The following FLYWCH1 variants were observed in gnomAD, a reference collection of about 807,000 sequenced individuals.
FLYWCH1 encodes the protein FLYWCH-type zinc finger 1.
Under a neutral mutation model 66.4 loss-of-function variants are expected in FLYWCH1, and 75 were observed. The observed-to-expected ratio is 1.13, with a 90% CI of 0.94 to 1.37. The LOEUF (loss-of-function observed/expected upper bound fraction) is 1.37. Among genes scored for constraint, FLYWCH1 ranks in the 40% most tolerant of loss-of-function variants. The pLI, the probability that FLYWCH1 is intolerant of heterozygous loss-of-function variation, is 0.00. For synonymous variants in FLYWCH1, 595 were observed against 429.9 expected (o/e 1.38, Z -4.75); for missense variants, 1,334 against 1,001.8 (o/e 1.33, Z -4.48).
At chr16:2,931,812 AC>A (rs1316494593) in intron 4 of FLYWCH1, among the ~76,000 whole-genome samples, 2 of 152,034 alleles carry the variant, frequency 1.3e-5, no homozygotes, top group Non-Finnish European at 2.9e-5. Context: ...TACTAAAGAT[AC>A]AAAAAACTAG....
chr16:2,917,250 A>G (rs1174580315), intron 2 of FLYWCH1, among the ~76,000 whole-genome samples: 1 of 135,418 alleles, frequency 7.4e-6, no homozygotes, highest in East Asian at 2.2e-4. Flanking sequence ...TTTTTTTGAG[A>G]TGGAGTTTTG....
chr16:2,937,563 C>T (rs973779287), intron 7 of FLYWCH1, among the ~76,000 whole-genome samples, 179 bp downstream of exon 7: 4 of 152,172 alleles, frequency 2.6e-5, no homozygotes, highest in Non-Finnish European at 4.4e-5. Context: ...TGCAGCTGGT[C>T]CTCTGGGTAG....
rs573230045 is a variant in FLYWCH1, at chr16:2,936,884, C to G, written c.1514-237C>G. On this transcript the variant is annotated intron_variant, in intron 6 of 9. Coordinates refer to ENST00000253928, the MANE Select transcript of FLYWCH1 (RefSeq NM_001308068.2). Reference sequence around the variant, plus strand: ...TCCCTGAAGGCATGGCAAGGTGGGACGCTTGGCCGCCACCTGCAGGGGCCT... The same window carrying G: ...TCCCTGAAGGCATGGCAAGGTGGGAGGCTTGGCCGCCACCTGCAGGGGCCT... 4.5e-5 allele frequency: 29 copies of G among 646,272 alleles called. No homozygotes were observed. The African/African-American group carries it at 5.2e-4, about 11-fold the overall frequency. The allele number at this position is 646,272 out of a possible 1,614,324, so 40.0% of individuals were successfully genotyped here.
intron 9 of FLYWCH1, among the ~76,000 whole-genome samples, chr16:2,945,880 CCA>C (rs1453752821): frequency 2.6e-5 from 4 of 151,770 alleles, no homozygotes; most frequent in Non-Finnish European, 5.9e-5. Context: ...GCCTGTAGTC[CCA>C]GTTACTCGGG....
At position 2,933,989 on chromosome 16, in the gene FLYWCH1, G is replaced by A; in HGVS notation, c.1513+10G>A. ...CAGCGGGGGAGCCCAGGTACCTGGG[G>A]GTGGGCTGGGAGCTGGGCCCCAGGA... On this transcript the variant is annotated intron_variant, in intron 6 of 9. Coordinates refer to ENST00000253928, the MANE Select transcript of FLYWCH1 (RefSeq NM_001308068.2). 6.6e-7 allele frequency: 1 copy of A among 1,513,738 alleles called. No homozygotes were observed. Among genetic ancestry groups the A allele is most frequent in the South Asian group, 1.2e-5 (1 of 80,914 alleles). 93.8% of individuals were successfully genotyped at this position (1,513,738 alleles called of 1,614,324 possible).
intron 6 of FLYWCH1, chr16:2,936,747 C>A: frequency 2.1e-6 from 1 of 485,998 alleles, no homozygotes; most frequent in Non-Finnish European, 4.0e-6. Context: ...TCCTGAGCAG[C>A]TTTGTCCCCA....
intron 2 of FLYWCH1, among the ~76,000 whole-genome samples, chr16:2,921,053 G>A (rs547086067): frequency 2.6e-5 from 4 of 151,078 alleles, no homozygotes; most frequent in East Asian, 2.0e-4. Flanking sequence ...GTGTTAGCCC[G>A]GATGGTCTCG....
intron 2 of FLYWCH1, among the ~76,000 whole-genome samples, chr16:2,925,730 C>G (rs957140672): frequency 3.9e-5 from 6 of 152,258 alleles, no homozygotes; most frequent in Middle Eastern, 6.8e-3. Context: ...CATGGAGGAA[C>G]AGGCTGGGCC....
chr16:2,939,916 G>T (rs539053088), intron 8 of FLYWCH1, 116 bp from the exon 9 acceptor site: 3 of 1,237,030 alleles, frequency 2.4e-6, no homozygotes, highest in South Asian at 1.6e-5. Context: ...TGCTTCACCC[G>T]GTTGTCTTTC....
chr16:2,936,377 C>G (rs972624142), intron 6 of FLYWCH1: 3 of 456,690 alleles, frequency 6.6e-6, no homozygotes, highest in South Asian at 4.6e-5. Context: ...CCTCCCGAGC[C>G]TCCCTGCTCC....
At chr16:2,937,574 T>G (rs1000357701) in intron 7 of FLYWCH1, among the ~76,000 whole-genome samples, 190 bp downstream of exon 7, 11 of 152,206 alleles carry the variant, frequency 7.2e-5, no homozygotes, top group Non-Finnish European at 1.2e-4. Flanking sequence ...CTCTGGGTAG[T>G]GGGGACTGGC....
chr16:2,925,934 C>T (rs2070551480), intron 2 of FLYWCH1, among the ~76,000 whole-genome samples: 1 of 152,174 alleles, frequency 6.6e-6, no homozygotes, highest in Non-Finnish European at 1.5e-5. Flanking sequence ...ACTGGAGCTG[C>T]AGCATGTGAG....
At chr16:2,932,984 C>T (rs1465865275) in intron 4 of FLYWCH1, 146 bp from the exon 5 acceptor site, 6 of 688,852 alleles carry the variant, frequency 8.7e-6, no homozygotes, top group Non-Finnish European at 1.4e-5. Context: ...GGGTTTGGGG[C>T]CTCTGACATA....
chr16:2,939,949 G>A (rs1012136854), intron 8 of FLYWCH1, 83 bp from the exon 9 acceptor site: 42 of 1,504,162 alleles, frequency 2.8e-5, no homozygotes, highest in Admixed American at 1.5e-4. Context: ...TGAGGGCGTC[G>A]TTAACAAGGT....
chr16:2,936,478 C>T (rs1283477298), intron 6 of FLYWCH1: 18 of 442,386 alleles, frequency 4.1e-5, no homozygotes, highest in Middle Eastern at 6.7e-4. Flanking sequence ...TCCTCTAGGG[C>T]TTGCTACCCA....
chr16:2,933,686 C>G (rs1596378669), intron 5 of FLYWCH1, 30 bp from the exon 6 acceptor site: 2 of 1,599,580 alleles, frequency 1.3e-6, no homozygotes, highest in East Asian at 4.5e-5. Flanking sequence ...CCCCTGTCCC[C>G]TCCCCTGACT....
chr16:2,925,272 C>T (rs1410309402), intron 2 of FLYWCH1, among the ~76,000 whole-genome samples: 1 of 152,132 alleles, frequency 6.6e-6, no homozygotes, highest in Non-Finnish European at 1.5e-5. Flanking sequence ...GCGGGGGCCT[C>T]GCGGGACCTG....
Position 2,950,005 on chromosome 16 carries a change from A to C in FLYWCH1, c.*1278A>C, listed in dbSNP as rs1460207729. ...GACACCTGGGGTTGGGGCCTCTGGAAGGGCTGCTGGGGGGCCAGCTGCAGC... is the reference window on the plus strand; with the variant it reads ...GACACCTGGGGTTGGGGCCTCTGGACGGGCTGCTGGGGGGCCAGCTGCAGC... On this transcript the variant is annotated 3_prime_UTR_variant, in exon 10 of 10. Coordinates refer to ENST00000253928, the MANE Select transcript of FLYWCH1 (RefSeq NM_001308068.2). 2 of 152,288 alleles carry C rather than the reference A, an allele frequency of 1.3e-5. No homozygotes were observed. The highest frequency in any genetic ancestry group is 3.9e-4 in the East Asian group (2 of 5,178). The allele number at this position is 152,288 out of a possible 1,614,324, so 9.4% of individuals were successfully genotyped here.
chr16:2,925,096 G>A (rs1178006045), intron 2 of FLYWCH1, among the ~76,000 whole-genome samples: 1 of 152,222 alleles, frequency 6.6e-6, no homozygotes, highest in Non-Finnish European at 1.5e-5. Context: ...CCAGCTGGCG[G>A]GGTGAACAGT....
Sources: gnomAD v4.1 joint callset for allele counts (sites outside exome capture counted in the v4.1 genomes callset) on GRCh38, gnomAD v4.1.1 for gene constraint, MANE v1.5 for transcripts, NCBI Gene and HGNC (gene_info 2026-07-23, HGNC 2026-07-21) for gene names.